TLN2: variants seen among roughly 807,000 people sequenced by gnomAD.
TLN2 encodes the protein talin-2.
TLN2 carries 118 observed loss-of-function variants against 294.7 expected under a neutral mutation model. The ratio of observed to expected loss-of-function variants is 0.40; its 90% CI spans 0.34 to 0.47. The LOEUF is 0.47. Among genes scored for constraint, TLN2 ranks in the 20% least tolerant of loss-of-function variants. The pLI is 0.84. For synonymous variants in TLN2, 1,431 were observed against 1,304.5 expected, an observed-to-expected ratio of 1.10 and a Z score of -2.09; for missense variants, 3,083 against 3,282.2, an observed-to-expected ratio of 0.94 and a Z score of 1.48.
chr15:62,602,705 A>C (rs2140786582), intron 2 of TLN2, among the ~76,000 whole-genome samples: 1 of 152,064 alleles, frequency 6.6e-6, no homozygotes, highest in Middle Eastern at 3.4e-3. Context: ...GGGAAAGGCA[A>C]CTCTGGGGCC....
At chr15:62,822,443 C>G (rs1005845520) in intron 54 of TLN2, among the ~76,000 whole-genome samples, 2 of 152,208 alleles carry the variant, frequency 1.3e-5, no homozygotes, top group Non-Finnish European at 2.9e-5. Flanking sequence ...CAAGCCTGTG[C>G]CAGGCAGTCT....
intron 52 of TLN2, among the ~76,000 whole-genome samples, chr15:62,815,177 TCACACACACACACACACA>T (rs3055852): frequency 9.8e-4 from 138 of 140,690 alleles, no homozygotes; most frequent in Admixed American, 9.9e-4. Context: ...ATTCTGTCTG[TCACACACACACACACACA>T]CACACACACA....
intron 1 of TLN2, among the ~76,000 whole-genome samples, chr15:62,417,748 G>A (rs1482233463): frequency 1.3e-5 from 2 of 152,236 alleles, no homozygotes; most frequent in Non-Finnish European, 2.9e-5. Flanking sequence ...AGCCACAACA[G>A]TGCCTGTGGA....
At chr15:62,499,850 G>A (rs751848230) in intron 1 of TLN2, among the ~76,000 whole-genome samples, 14 of 151,966 alleles carry the variant, frequency 9.2e-5, no homozygotes, top group African/African-American at 2.2e-4. Flanking sequence ...TGATCTGCCC[G>A]CCTGGACTTC....
At chr15:62,836,508 A>T (rs1274780718) in intron 57 of TLN2, among the ~76,000 whole-genome samples, 1 of 152,150 alleles carries the variant, frequency 6.6e-6, no homozygotes, top group African/African-American at 2.4e-5. Flanking sequence ...CCACATCTTC[A>T]TCTGTGCCTC....
At chr15:62,463,491 T>G (rs1173982922) in intron 1 of TLN2, among the ~76,000 whole-genome samples, 2 of 152,224 alleles carry the variant, frequency 1.3e-5, no homozygotes, top group Non-Finnish European at 2.9e-5. Context: ...TTACCTTTGT[T>G]AATGCGATGT....
At chr15:62,456,745 C>T (rs1295166295) in intron 1 of TLN2, among the ~76,000 whole-genome samples, 2 of 152,174 alleles carry the variant, frequency 1.3e-5, no homozygotes, top group African/African-American at 4.8e-5. Context: ...CTCTGATCTC[C>T]CTGAGACTAC....
intron 2 of TLN2, 89 bp downstream of exon 2, chr15:62,589,851 T>C (rs1356934985): frequency 6.6e-6 from 1 of 152,168 alleles, no homozygotes; most frequent in East Asian, 1.9e-4. Context: ...AACTGCTGTC[T>C]GTTATGCTGT....
intron 52 of TLN2, among the ~76,000 whole-genome samples, chr15:62,818,423 G>C (rs1314667835): frequency 6.6e-6 from 1 of 152,204 alleles, no homozygotes; most frequent in Non-Finnish European, 1.5e-5. Context: ...GTGTGCACTA[G>C]AATTTAGATC....
At chr15:62,439,028 A>G (rs565153057) in intron 1 of TLN2, among the ~76,000 whole-genome samples, 17 of 152,376 alleles carry the variant, frequency 1.1e-4, no homozygotes, top group African/African-American at 4.1e-4. Context: ...AATTAGGGAA[A>G]AAGATAATTA....
chr15:62,600,953 C>G (rs1320702811), intron 2 of TLN2, among the ~76,000 whole-genome samples: 3 of 152,108 alleles, frequency 2.0e-5, no homozygotes, highest in Non-Finnish European at 4.4e-5. Flanking sequence ...CAAATTTTCT[C>G]AATTGTCTTA....
chr15:62,652,740 C>G lies in TLN2; in HGVS notation c.365-422C>G, dbSNP rs752844883. Among the ~76,000 whole-genome samples the G allele has an allele frequency of 2.6e-4, 39 of 152,182 alleles. 1 individual carries two copies. The highest frequency in any genetic ancestry group is 1.5e-3 in the South Asian group (7 of 4,824). On this transcript the variant is annotated intron_variant, in intron 6 of 58. Coordinates refer to ENST00000636159, the MANE Select transcript of TLN2 (RefSeq NM_015059.3). ...GAGAGAATTGAATGTGACATAAGTT[C>G]TACTATACGCGTGACTTCTTTGGGT... is the stretch of plus-strand genomic sequence containing the variant.
At chr15:62,600,183 A>G (rs2046871551) in intron 2 of TLN2, among the ~76,000 whole-genome samples, 1 of 152,190 alleles carries the variant, frequency 6.6e-6, no homozygotes, top group Non-Finnish European at 1.5e-5. Context: ...TCTGTCACCT[A>G]GAATGAAGTC....
chr15:62,515,862 G>A (rs2040164197), intron 1 of TLN2, among the ~76,000 whole-genome samples: 1 of 152,182 alleles, frequency 6.6e-6, no homozygotes, highest in Admixed American at 6.5e-5. Flanking sequence ...CCCTCTGCCT[G>A]TCCTTTATGT....
At chr15:62,625,257 G>A (rs1308328965) in intron 3 of TLN2, among the ~76,000 whole-genome samples, 1 of 152,080 alleles carries the variant, frequency 6.6e-6, no homozygotes, top group Non-Finnish European at 1.5e-5. Context: ...GTTACTCAAG[G>A]CTGAATGAAC....
chr15:62,748,517 G>GTCTA, intron 33 of TLN2, 73 bp downstream of exon 33: 1 of 1,196,912 alleles, frequency 8.4e-7, no homozygotes, highest in Non-Finnish European at 1.2e-6. Flanking sequence ...GTGTCTGTCT[G>GTCTA]TCTATGTCTG....
intron 55 of TLN2, 79 bp from the exon 56 acceptor site, chr15:62,835,658 G>C: frequency 6.5e-7 from 1 of 1,534,808 alleles, no homozygotes; most frequent in South Asian, 1.1e-5. Context: ...TCTGGTTCCC[G>C]AGCAAGGTCT....
chr15:62,744,775 T>C (rs111486340), intron 32 of TLN2, among the ~76,000 whole-genome samples: 13,040 of 152,208 alleles, frequency 0.086, 824 homozygotes, highest in Admixed American at 0.21. Context: ...TCAAAACTCC[T>C]GACCTAGTGA....
chr15:62,409,981 C>A (rs778713390), intron 1 of TLN2, among the ~76,000 whole-genome samples: 5 of 152,196 alleles, frequency 3.3e-5, no homozygotes, highest in Non-Finnish European at 5.9e-5. Flanking sequence ...CAGTGGCTCA[C>A]GCCTGTGATC....
Sources: allele counts gnomAD v4.1 joint callset (sites outside exome capture counted in the v4.1 genomes callset), GRCh38; gene constraint gnomAD v4.1.1; transcripts MANE v1.5; gene names NCBI Gene and HGNC (gene_info 2026-07-23, HGNC 2026-07-21).